SLC25A16: variants seen among roughly 807,000 people sequenced by gnomAD.
SLC25A16 encodes mitochondrial coenzyme A transporter SLC25A16.
A neutral mutation model predicts 41.5 loss-of-function variants in SLC25A16; 39 were observed. The observed-to-expected ratio is 0.94, with a 90% CI of 0.73 to 1.23. The LOEUF is 1.23. Among genes scored for constraint, SLC25A16 ranks in the 50% most tolerant of loss-of-function variants. SLC25A16 has a pLI of 0.00. For missense variants in SLC25A16, 421 were observed against 426.9 expected (o/e 0.99, Z 0.12); for synonymous variants, 146 against 147.8 (o/e 0.99, Z 0.09).
At chr10:68,507,362 C>T (rs2052976053) in intron 2 of SLC25A16, among the ~76,000 whole-genome samples, 1 of 151,996 alleles carries the variant, frequency 6.6e-6, no homozygotes, top group South Asian at 2.1e-4. Flanking sequence ...TGACCCACTG[C>T]ACCTGGCCCT....
intron 1 of SLC25A16, among the ~76,000 whole-genome samples, chr10:68,524,362 T>TAAAAA: frequency 1.7e-5 from 2 of 115,764 alleles, no homozygotes; most frequent in African/African-American, 7.4e-5. Context: ...GCCAACATGG[T>TAAAAA]AAAACTTCGT....
chr10:68,489,067 C>T (rs964236323), intron 6 of SLC25A16, among the ~76,000 whole-genome samples: 2 of 152,148 alleles, frequency 1.3e-5, no homozygotes, highest in African/African-American at 2.4e-5. Flanking sequence ...GTCAGGCGTT[C>T]GAGATCAGCC....
chr10:68,495,111 G>C (rs1261755103), intron 4 of SLC25A16, among the ~76,000 whole-genome samples: 2 of 151,776 alleles, frequency 1.3e-5, no homozygotes, highest in African/African-American at 4.8e-5. Flanking sequence ...GCAAAACTTC[G>C]TATTTATTTA....
Position 68,479,239 on chromosome 10 carries a change from CA to C in SLC25A16, c.*4192del, listed in dbSNP as rs896936719. 1 of 152,230 alleles carries C rather than the reference CA, an allele frequency of 6.6e-6. No individual in the cohort carries two copies. The highest frequency in any genetic ancestry group is 1.5e-5 in the Non-Finnish European group (1 of 68,046). 9.4% of individuals were successfully genotyped at this position (152,230 alleles called of 1,614,324 possible). ...ACCCTTCCTTCTACCCACCAGTAAA[CA>C]TCACTGAGTACCACTCTGACGCCAT... On this transcript the variant is annotated 3_prime_UTR_variant, in exon 9 of 9. Coordinates refer to ENST00000609923, the MANE Select transcript of SLC25A16 (RefSeq NM_152707.4).
chr10:68,514,660 C>T (rs935772472), intron 2 of SLC25A16, among the ~76,000 whole-genome samples: 1 of 152,086 alleles, frequency 6.6e-6, no homozygotes, highest in Non-Finnish European at 1.5e-5. Flanking sequence ...AAAGACTAAA[C>T]AATTCTTATT....
At chr10:68,491,795 CTGTT>C in intron 6 of SLC25A16, among the ~76,000 whole-genome samples, 1 of 146,668 alleles carries the variant, frequency 6.8e-6, no homozygotes, top group Admixed American at 6.9e-5. Context: ...AAACTTCTCT[CTGTT>C]TGCTTGCTTG....
rs893387168 is a variant in SLC25A16 at position 68,524,093 on chromosome 10, G to A, written c.130+3153C>T. Reference sequence around the variant, plus strand: ...TGGGAGGTCAAGGCGGGCGGATCACGAGGTCAGGAGATCGAGACCATCCTG... The same window carrying A: ...TGGGAGGTCAAGGCGGGCGGATCACAAGGTCAGGAGATCGAGACCATCCTG... On this transcript the variant is annotated intron_variant, in intron 1 of 8. Coordinates refer to ENST00000609923, the MANE Select transcript of SLC25A16 (RefSeq NM_152707.4). 4.6e-5 allele frequency among the ~76,000 whole-genome samples: 7 copies of A among 151,912 alleles called. No homozygotes were observed. In the South Asian group the frequency reaches 1.2e-3, roughly 27 times the overall value.
At chr10:68,512,473 T>TA (rs1366805789) in intron 2 of SLC25A16, among the ~76,000 whole-genome samples, 2 of 126,838 alleles carry the variant, frequency 1.6e-5, no homozygotes, top group Admixed American at 8.4e-5. Flanking sequence ...CCGTCTCTAC[T>TA]AAAAAAATAC....
At chr10:68,506,466 T>A (rs2052956352) in intron 3 of SLC25A16, 119 bp downstream of exon 3, 4 of 671,454 alleles carry the variant, frequency 6.0e-6, no homozygotes, top group Non-Finnish European at 8.6e-6. Context: ...AAAAAACCAA[T>A]AATTTAACTT....
chr10:68,504,291 A>AT (rs1254087324), intron 3 of SLC25A16, among the ~76,000 whole-genome samples: 1 of 151,752 alleles, frequency 6.6e-6, no homozygotes, highest in African/African-American at 2.4e-5. Context: ...TGCTGGGATT[A>AT]TAGGCTGAAG....
At chr10:68,524,330 A>AAAAG (rs1417223553) in intron 1 of SLC25A16, among the ~76,000 whole-genome samples, 8 of 134,102 alleles carry the variant, frequency 6.0e-5, no homozygotes, top group Non-Finnish European at 8.0e-5. Context: ...AAAAAAAAAA[A>AAAAG]AGAGAGATCG....
intron 1 of SLC25A16, among the ~76,000 whole-genome samples, chr10:68,520,260 T>TTAA (rs1273442219): frequency 1.3e-5 from 2 of 151,950 alleles, no homozygotes; most frequent in African/African-American, 2.4e-5. Context: ...CCCAGCCTAT[T>TTAA]TAATAGTATC....
chr10:68,527,483 C>T lies in SLC25A16; in HGVS notation c.-108G>A. 5 of 1,109,698 alleles carry T rather than the reference C, an allele frequency of 4.5e-6. No homozygotes were observed. 68.7% of individuals were successfully genotyped at this position (1,109,698 alleles called of 1,614,324 possible). On this transcript the variant is annotated 5_prime_UTR_variant, in exon 1 of 9. Transcript: ENST00000609923. ...GAGGCTGACCGCCCCGCCGGCGGGG[C>T]AAAGTAACACCCGGCGGCGCGGCGC...
intron 3 of SLC25A16, 28 bp from the exon 4 acceptor site, chr10:68,503,723 G>C (rs747271539): frequency 1.4e-6 from 2 of 1,432,118 alleles, no homozygotes; most frequent in Non-Finnish European, 2.0e-6. Context: ...TGAATTAAAT[G>C]AGATATTTTT....
chr10:68,516,759 T>C lies in SLC25A16; in HGVS notation c.215A>G (p.Lys72Arg), dbSNP rs532842590. ...VLLQAHNHHY[K>R]HLGVFSALRA... ...AGCATCTATTAACTCACCTAAATGC[T>C]TGTAATGGTGATTGTGAGCTTGTAA... The change falls in exon 2 of 9, where the codon AAG becomes AGG. Residue 72 changes from lysine (K) to arginine (R), a missense_variant. Coordinates refer to ENST00000609923, the MANE Select transcript of SLC25A16 (RefSeq NM_152707.4). 3 of 1,600,610 alleles carry C rather than the reference T, an allele frequency of 1.9e-6. No individual in the cohort carries two copies. Among genetic ancestry groups the C allele is most frequent in the Admixed American group, 1.7e-5 (1 of 59,510 alleles).
At chr10:68,498,332 T>C (rs1218527428) in intron 4 of SLC25A16, among the ~76,000 whole-genome samples, 2 of 151,524 alleles carry the variant, frequency 1.3e-5, no homozygotes, top group Admixed American at 1.3e-4. Flanking sequence ...TCTTTTTTTT[T>C]TTTTTTGAGA....
At chr10:68,525,096 T>TGC (rs2053315750) in intron 1 of SLC25A16, among the ~76,000 whole-genome samples, 1 of 152,024 alleles carries the variant, frequency 6.6e-6, no homozygotes. Flanking sequence ...AGTCTTCAGA[T>TGC]ATTATCTTTC....
In SLC25A16 at chr10:68,492,017, G is replaced by A. The variant is rs142438505; in HGVS notation, c.610+1115C>T. On this transcript the variant is annotated intron_variant, in intron 6 of 8. Coordinates refer to ENST00000609923, the MANE Select transcript of SLC25A16 (RefSeq NM_152707.4). ...TAATTTTTGTATTTTTAATAGAGAT[G>A]GGGTTTCATCATGTTGGCCAGGCCA... Among the ~76,000 whole-genome samples the A allele has an allele frequency of 8.9e-3, 1,357 of 152,034 alleles. 28 individuals are homozygous for A. The highest frequency in any genetic ancestry group is 0.031 in the African/African-American group (1,304 of 41,484).
At chr10:68,524,051 CT>C (rs1481335569) in intron 1 of SLC25A16, among the ~76,000 whole-genome samples, 2 of 142,986 alleles carry the variant, frequency 1.4e-5, no homozygotes, top group Non-Finnish European at 3.0e-5. Context: ...TGGCTCACGC[CT>C]GTAATCCCAG....
Sources: gnomAD v4.1 joint callset for allele counts (sites outside exome capture counted in the v4.1 genomes callset) on GRCh38, gnomAD v4.1.1 for gene constraint, MANE v1.5 for transcripts, NCBI Gene and HGNC (gene_info 2026-07-23, HGNC 2026-07-21) for gene names.